BIRC6: variants seen among roughly 807,000 people sequenced by gnomAD.
BIRC6 encodes dual E2 ubiquitin-conjugating enzyme/E3 ubiquitin-protein ligase BIRC6.
BIRC6 carries 98 observed loss-of-function variants against 503.3 expected under a neutral mutation model. That is an observed-to-expected ratio of 0.19 (90% CI 0.17 to 0.23). BIRC6 has a LOEUF of 0.23. Among genes scored for constraint, BIRC6 ranks in the 10% least tolerant of loss-of-function variants. The pLI, the probability that BIRC6 is intolerant of heterozygous loss-of-function variation, is 1.00. For synonymous variants in BIRC6, 2,240 were observed against 2,078.7 expected, an observed-to-expected ratio of 1.08 and a Z score of -2.11; for missense variants, 5,360 against 5,806.0, an observed-to-expected ratio of 0.92 and a Z score of 2.50.
At chr2:32,590,450 C>T (rs2061327217) in intron 66 of BIRC6, among the ~76,000 whole-genome samples, 1 of 152,098 alleles carries the variant, frequency 6.6e-6, no homozygotes, top group Non-Finnish European at 1.5e-5. Flanking sequence ...TTAAAGGGGT[C>T]TTGTTTTATC....
At chr2:32,517,048 A>G (rs553854263) in intron 55 of BIRC6, among the ~76,000 whole-genome samples, 1 of 152,284 alleles carries the variant, frequency 6.6e-6, no homozygotes, top group South Asian at 2.1e-4. Context: ...GAAGAAGGGC[A>G]GGTCGGGTGC....
At chr2:32,400,266 C>G (rs1240284354) in intron 6 of BIRC6, among the ~76,000 whole-genome samples, 1 of 149,894 alleles carries the variant, frequency 6.7e-6, no homozygotes, top group Non-Finnish European at 1.5e-5. Flanking sequence ...ATAGTGAATA[C>G]ATAAGGTATA....
intron 71 of BIRC6, among the ~76,000 whole-genome samples, chr2:32,605,339 AACTG>A (rs1402443742): frequency 6.6e-6 from 1 of 152,212 alleles, no homozygotes; most frequent in Non-Finnish European, 1.5e-5. Context: ...AAATTGTTAT[AACTG>A]ACTGAGATCT....
chr2:32,475,600 T>C (rs973358438), intron 33 of BIRC6, among the ~76,000 whole-genome samples: 1 of 152,304 alleles, frequency 6.6e-6, no homozygotes, highest in Admixed American at 6.5e-5. Flanking sequence ...CAACTAAAAA[T>C]GGAAAAATAA....
At chr2:32,509,637 T>C (rs1446143478) in intron 51 of BIRC6, 101 bp from the exon 52 acceptor site, 3 of 1,332,720 alleles carry the variant, frequency 2.3e-6, no homozygotes, top group Admixed American at 4.3e-5. Flanking sequence ...TGGTTAATGC[T>C]GTTTATGAAA....
chr2:32,576,555 C>T lies in BIRC6; in HGVS notation c.13355+1189C>T, dbSNP rs551064086. ...TTTTGAGTAAATTAATGTCATTTAC[C>T]GTATTTACTGTATTTACTTTGCTTT... On this transcript the variant is annotated intron_variant, in intron 66 of 73. Coordinates refer to ENST00000421745, the MANE Select transcript of BIRC6 (RefSeq NM_016252.4). 5.3e-5 allele frequency among the ~76,000 whole-genome samples: 8 copies of T among 152,186 alleles called. No individual in the cohort carries two copies. The South Asian group carries it at 8.3e-4, about 16-fold the overall frequency.
chr2:32,502,257 A>G (rs925940257), intron 47 of BIRC6, among the ~76,000 whole-genome samples: 1 of 152,146 alleles, frequency 6.6e-6, no homozygotes, highest in Non-Finnish European at 1.5e-5. Context: ...TATGTTGTGT[A>G]TTCAGCTTCT....
At chr2:32,562,984 G>A (rs1408428137) in intron 65 of BIRC6, among the ~76,000 whole-genome samples, 3 of 152,060 alleles carry the variant, frequency 2.0e-5, no homozygotes, top group East Asian at 3.9e-4. Context: ...CTTAATTGTC[G>A]CAGCATTATA....
intron 72 of BIRC6, among the ~76,000 whole-genome samples, chr2:32,610,811 C>G (rs554748338): frequency 6.6e-6 from 1 of 152,228 alleles, no homozygotes; most frequent in Non-Finnish European, 1.5e-5. Flanking sequence ...CTCTGTCGCC[C>G]AGGCTGGAGT....
chr2:32,540,645 A>G (rs1159169038), intron 61 of BIRC6, among the ~76,000 whole-genome samples: 1 of 152,072 alleles, frequency 6.6e-6, no homozygotes, highest in African/African-American at 2.4e-5. Context: ...TTCTGTTTGA[A>G]TCGTTATACT....
At chr2:32,528,732 G>A (rs1175880238) in intron 59 of BIRC6, 1 of 152,154 alleles carries the variant, frequency 6.6e-6, no homozygotes, top group African/African-American at 2.4e-5. Flanking sequence ...GTTGACATGG[G>A]TGGCTGAGAT....
chr2:32,366,134 G>A (rs754726903), intron 1 of BIRC6, among the ~76,000 whole-genome samples: 3 of 152,188 alleles, frequency 2.0e-5, no homozygotes, highest in Non-Finnish European at 4.4e-5. Context: ...GTCTCCCAAA[G>A]TGCTGGGATT....
In BIRC6 at chr2:32,435,504, A is replaced by T; in HGVS notation, c.3418A>T (p.Ile1140Phe). ...PGLGKVNALN[I>F]EVEQNGKPSL... ...CTTTCCTTTGTCTCCAGCTCTTAAC[A>T]TTGAAGTGGAACAAAATGGGAAACC... Residue 1140 changes from isoleucine to phenylalanine, a missense_variant, in exon 14 of 74, where the codon ATT becomes TTT. Ile to Phe is a conservative substitution (Grantham distance 21, BLOSUM62 0). This residue lies in a region of BIRC6 where 2,299 missense variants were observed against 2,267.2 expected (regional missense o/e 1.01). Transcript: ENST00000421745. 5.8e-6 allele frequency: 9 copies of T among 1,553,204 alleles called. No individual in the cohort carries two copies. The highest frequency in any genetic ancestry group is 7.8e-6 in the Non-Finnish European group (9 of 1,147,488).
intron 66 of BIRC6, among the ~76,000 whole-genome samples, chr2:32,588,512 C>T (rs538987385): frequency 6.6e-6 from 1 of 152,172 alleles, no homozygotes; most frequent in African/African-American, 2.4e-5. Context: ...CCTGCTCCCA[C>T]ACACACAGTA....
chr2:32,598,429 C>T (rs1282265373), intron 69 of BIRC6, among the ~76,000 whole-genome samples: 1 of 152,074 alleles, frequency 6.6e-6, no homozygotes, highest in Non-Finnish European at 1.5e-5. Context: ...TTTAGTGTCA[C>T]TCTTCAAAAC....
intron 1 of BIRC6, among the ~76,000 whole-genome samples, chr2:32,373,465 A>G (rs796978108): frequency 3.0e-4 from 46 of 152,294 alleles, no homozygotes; most frequent in African/African-American, 1.1e-3. Context: ...CAAGGAGGCC[A>G]AGACCATTCA....
At position 32,484,476 on chromosome 2, in the gene BIRC6, C is replaced by T. The variant is rs574566801; in HGVS notation, c.7697-1167C>T. Among the ~76,000 whole-genome samples the T allele has an allele frequency of 3.3e-5, 5 of 150,260 alleles. No individual in the cohort carries two copies. In the East Asian group the frequency reaches 9.8e-4, roughly 29 times the overall value. ...CTGAGGTAGGAGAATTGCTATAACC[C>T]TGGGGCAGAGGTTGCAGTGAGCCAA... On this transcript the variant is annotated intron_variant, in intron 39 of 73. Coordinates refer to ENST00000421745, the MANE Select transcript of BIRC6 (RefSeq NM_016252.4).
chr2:32,409,132 G>A (rs1285401445), intron 9 of BIRC6, among the ~76,000 whole-genome samples: 2 of 152,058 alleles, frequency 1.3e-5, no homozygotes, highest in African/African-American at 4.8e-5. Flanking sequence ...GAAGAATTAT[G>A]AAATATATTT....
intron 1 of BIRC6, among the ~76,000 whole-genome samples, chr2:32,363,020 C>T (rs1381246145): frequency 1.3e-5 from 2 of 152,144 alleles, no homozygotes; most frequent in East Asian, 3.8e-4. Flanking sequence ...GTCTTATCTA[C>T]TTTAATTCCC....
Sources: allele counts gnomAD v4.1 joint callset (sites outside exome capture counted in the v4.1 genomes callset), GRCh38; gene constraint gnomAD v4.1.1; regional missense constraint gnomAD v4.1.1; transcripts MANE v1.5; gene names NCBI Gene and HGNC (gene_info 2026-07-23, HGNC 2026-07-21).